The following COL13A1 variants were observed in gnomAD, a reference collection of about 807,000 sequenced individuals.
COL13A1 encodes the protein collagen alpha-1(XIII) chain.
In COL13A1, 89 loss-of-function variants were observed where a neutral mutation model predicts 130.9. The observed-to-expected ratio is 0.68, with a 90% CI of 0.57 to 0.81. COL13A1 has a LOEUF of 0.81. Among genes scored for constraint, COL13A1 ranks in the 30% least tolerant of loss-of-function variants. The pLI is 0.00. For synonymous variants in COL13A1, 402 were observed against 341.6 expected (o/e 1.18, Z -1.95); for missense variants, 879 against 934.6 (o/e 0.94, Z 0.78).
intron 26 of COL13A1, among the ~76,000 whole-genome samples, chr10:69,926,378 G>C (rs140079940): frequency 1.3e-5 from 2 of 152,314 alleles, no homozygotes; most frequent in African/African-American, 4.8e-5. Flanking sequence ...TCTTTGTGGT[G>C]GGGGGAGAGT....
Position 69,887,482 on chromosome 10 carries a change from T to C in COL13A1, c.540T>C (p.Pro180=), listed in dbSNP as rs530365744. The C allele has an allele frequency of 3.1e-6, 5 of 1,613,614 alleles. No homozygotes were observed. The Admixed American group carries it at 8.3e-5, about 27-fold the overall frequency. ...PPGQPGTRGF[P]GFPGPIGLDG... ...GTCAACCAGGAACTAGAGGTTTCCC[T>C]GGATTTCCGGTAAGTGGAGAAGGCT... Residue 180 remains proline, a synonymous_variant, in exon 8 of 41, where the codon CCT becomes CCC. Coordinates refer to ENST00000645393, the MANE Select transcript of COL13A1 (RefSeq NM_001368882.1).
At chr10:69,831,253 G>A (rs956746179) in intron 2 of COL13A1, among the ~76,000 whole-genome samples, 2 of 152,172 alleles carry the variant, frequency 1.3e-5, no homozygotes, top group African/African-American at 4.8e-5. Flanking sequence ...CCTGTGGGCT[G>A]GCAGCAATGG....
At chr10:69,904,378 C>G (rs934109700) in intron 15 of COL13A1, among the ~76,000 whole-genome samples, 1 of 152,208 alleles carries the variant, frequency 6.6e-6, no homozygotes, top group African/African-American at 2.4e-5. Flanking sequence ...TCACGGCTTT[C>G]TCCAGCCCAC....
At chr10:69,912,961 C>CTGTT (rs2063538959) in intron 17 of COL13A1, among the ~76,000 whole-genome samples, 1 of 152,190 alleles carries the variant, frequency 6.6e-6, no homozygotes, top group Non-Finnish European at 1.5e-5. Flanking sequence ...GAACAGAGGA[C>CTGTT]CTATCAATGC....
chr10:69,860,943 G>A (rs900386028), intron 2 of COL13A1, among the ~76,000 whole-genome samples: 6 of 152,204 alleles, frequency 3.9e-5, no homozygotes, highest in African/African-American at 1.4e-4. Flanking sequence ...ACACAGGACT[G>A]CATCGGGAAG....
At chr10:69,829,922 C>T (rs117791103) in intron 2 of COL13A1, among the ~76,000 whole-genome samples, 2,888 of 152,368 alleles carry the variant, frequency 0.019, 39 homozygotes, top group Admixed American at 0.032. Flanking sequence ...AAAAGCACTT[C>T]CAGATCCCCA....
chr10:69,866,382 G>A (rs1444990701), intron 2 of COL13A1, among the ~76,000 whole-genome samples: 2 of 152,218 alleles, frequency 1.3e-5, no homozygotes, highest in Non-Finnish European at 2.9e-5. Context: ...TGTGGCTGAA[G>A]CATCCCAAAA....
chr10:69,917,251 C>A, intron 17 of COL13A1, 38 bp from the exon 18 acceptor site: 4 of 1,612,526 alleles, frequency 2.5e-6, no homozygotes, highest in Non-Finnish European at 3.4e-6. Flanking sequence ...GGCCCCGAGT[C>A]TGGTCCTCTC....
intron 31 of COL13A1, among the ~76,000 whole-genome samples, chr10:69,933,862 G>A (rs370264330): frequency 2.0e-5 from 3 of 152,156 alleles, no homozygotes; most frequent in Admixed American, 6.5e-5. Flanking sequence ...GCCAAGCACC[G>A]CACTAAGCCC....
intron 7 of COL13A1, among the ~76,000 whole-genome samples, chr10:69,881,154 G>A (rs2060101774): frequency 6.6e-6 from 1 of 152,198 alleles, no homozygotes; most frequent in Non-Finnish European, 1.5e-5. Flanking sequence ...GCAAGATATC[G>A]AGGCTGTGGG....
intron 2 of COL13A1, chr10:69,829,299 T>A (rs951272855): frequency 1.0e-6 from 1 of 980,834 alleles, no homozygotes; most frequent in African/African-American, 1.7e-5. Context: ...ATTTTTAACA[T>A]TGATGTATAA....
chr10:69,867,051 T>A (rs1201893309), intron 2 of COL13A1, among the ~76,000 whole-genome samples: 1 of 152,104 alleles, frequency 6.6e-6, no homozygotes, highest in East Asian at 1.9e-4. Flanking sequence ...CCCCTATTCC[T>A]TTTTTCTCCC....
In COL13A1 at chr10:69,843,038, AG is replaced by A. The variant is rs1219029509; in HGVS notation, c.364+20602del. Among the ~76,000 whole-genome samples the A allele has an allele frequency of 2.0e-5, 3 of 152,298 alleles. No homozygotes were observed. In the East Asian group the frequency reaches 5.8e-4, roughly 29 times the overall value. ...TATGTTCTCCGGCTGCTGAGCCTAA[AG>A]GCCTTCTGCAAAGAAATCATGGCTC... On this transcript the variant is annotated intron_variant, in intron 2 of 40. Transcript: ENST00000645393.
Position 69,888,284 on chromosome 10 carries a change from T to C in COL13A1, c.550-20T>C, listed in dbSNP as rs1273866367. ...AGTCCTGTGATGCTCAGTCTTTACA[T>C]CTGGCCTTTCTGGTTTCAGGGTCCC... On this transcript the variant is annotated intron_variant, in intron 8 of 40. Coordinates refer to ENST00000645393, the MANE Select transcript of COL13A1 (RefSeq NM_001368882.1). 1 of 1,612,680 alleles carries C rather than the reference T, an allele frequency of 6.2e-7. No homozygotes were observed. The highest frequency in any genetic ancestry group is 2.2e-5 in the East Asian group (1 of 44,860).
intron 2 of COL13A1, among the ~76,000 whole-genome samples, chr10:69,823,661 G>A (rs895586320): frequency 1.3e-5 from 2 of 152,218 alleles, no homozygotes; most frequent in African/African-American, 2.4e-5. Context: ...GAGAGTGAAT[G>A]GGCTGGGGTG....
At chr10:69,831,521 A>G (rs1848815610) in intron 2 of COL13A1, among the ~76,000 whole-genome samples, 1 of 152,202 alleles carries the variant, frequency 6.6e-6, no homozygotes, top group Non-Finnish European at 1.5e-5. Flanking sequence ...CCACGCTTAC[A>G]GCCCTGCAAG....
chr10:69,865,906 C>A (rs1261932722), intron 2 of COL13A1, among the ~76,000 whole-genome samples: 12 of 152,302 alleles, frequency 7.9e-5, no homozygotes, highest in African/African-American at 2.6e-4. Context: ...CATTTACTAG[C>A]TGCATGGCCC....
chr10:69,905,963 C>A, intron 17 of COL13A1, 141 bp downstream of exon 17: 1 of 885,890 alleles, frequency 1.1e-6, no homozygotes, highest in South Asian at 1.8e-5. Flanking sequence ...CTCACTGGCC[C>A]CCCGAGGGCC....
In COL13A1 at chr10:69,952,925, A is replaced by G. The variant is rs762615363; in HGVS notation, c.2102A>G (p.Lys701Arg). ...GGCTCTAGAGGGCCTAAAGGGGATA[A>G]GGGAGACCAAGGAGCGCCTGGATTA... ...KKGSRGPKGD[K>R]GDQGAPGLDA... The change falls in exon 39 of 41, where the codon AAG becomes AGG. Residue 701 changes from lysine (K) to arginine (R), a missense_variant. Around this residue, in one of 3 missense-constraint regions of COL13A1, gnomAD observed 68 missense variants for 65.8 expected, o/e 1.03. Coordinates refer to ENST00000645393, the MANE Select transcript of COL13A1 (RefSeq NM_001368882.1). 1.9e-6 allele frequency: 3 copies of G among 1,559,592 alleles called. No homozygotes were observed. In the African/African-American group the frequency reaches 4.2e-5, roughly 22 times the overall value.
Sources: allele counts gnomAD v4.1 joint callset (sites outside exome capture counted in the v4.1 genomes callset), GRCh38; gene constraint gnomAD v4.1.1; regional missense constraint gnomAD v4.1.1; transcripts MANE v1.5; gene names NCBI Gene and HGNC (gene_info 2026-07-23, HGNC 2026-07-21).